The following R3HDM4 variants were observed in gnomAD, a reference collection of about 807,000 sequenced individuals.
R3HDM4 encodes R3H domain-containing protein 4.
A neutral mutation model predicts 31.3 loss-of-function variants in R3HDM4; 30 were observed. The observed-to-expected ratio is 0.96, with a 90% CI of 0.72 to 1.30. The LOEUF is 1.30. R3HDM4 is among the 50% of genes most tolerant of loss of function. R3HDM4 has a pLI of 0.00. For synonymous variants in R3HDM4, 196 were observed against 156.6 expected (o/e 1.25, Z -1.88); for missense variants, 444 against 366.1 (o/e 1.21, Z -1.74).
Position 899,375 on chromosome 19 carries a change from G to A in R3HDM4, c.703+65C>T, listed in dbSNP as rs972936609. 1.3e-6 allele frequency: 2 copies of A among 1,552,418 alleles called. No homozygotes were observed. On this transcript the variant is annotated intron_variant, in intron 7 of 7. Coordinates refer to ENST00000361574, the MANE Select transcript of R3HDM4 (RefSeq NM_138774.4). This position sits in a 1 kb window ranked among gnomAD's most constrained non-coding sequence, Gnocchi z 6.8. ...CCCACTCTGAGGAACCAGGCCCCTG[G>A]GACCCTGGCCACTTTCCCAGGTTGA...
At chr19:904,818 G>A (rs1465667933) in intron 1 of R3HDM4, among the ~76,000 whole-genome samples, 1 of 151,920 alleles carries the variant, frequency 6.6e-6, no homozygotes, top group Admixed American at 6.6e-5. Flanking sequence ...CAGAAATGAG[G>A]GCAATGCTCT....
At chr19:898,898 G>C (rs547375138) in intron 7 of R3HDM4, among the ~76,000 whole-genome samples, 2 of 152,312 alleles carry the variant, frequency 1.3e-5, no homozygotes, top group African/African-American at 4.8e-5. Flanking sequence ...ACTCCAGGCG[G>C]GGCGGCAGAG....
At chr19:900,569 C>G (rs565519040) in intron 4 of R3HDM4, among the ~76,000 whole-genome samples, 1 of 151,116 alleles carries the variant, frequency 6.6e-6, no homozygotes, top group Admixed American at 6.6e-5. Flanking sequence ...ACCCTGGCCT[C>G]ACCCACACAC....
At chr19:898,851 G>A (rs2036781362) in intron 7 of R3HDM4, among the ~76,000 whole-genome samples, 1 of 152,140 alleles carries the variant, frequency 6.6e-6, no homozygotes, top group African/African-American at 2.4e-5. Context: ...ACAGAGGGAG[G>A]CATCGTCCGG....
chr19:902,270 T>A, intron 1 of R3HDM4, 140 bp from the exon 2 acceptor site: 2 of 841,054 alleles, frequency 2.4e-6, no homozygotes, highest in Non-Finnish European at 3.6e-6. Context: ...CCTGGGCCCT[T>A]AAAATCCTAT....
At chr19:911,502 A>T (rs962833020) in intron 1 of R3HDM4, among the ~76,000 whole-genome samples, 2 of 152,230 alleles carry the variant, frequency 1.3e-5, no homozygotes, top group Non-Finnish European at 2.9e-5. Flanking sequence ...GTAATGAGAC[A>T]ACGGACACTC....
intron 1 of R3HDM4, among the ~76,000 whole-genome samples, chr19:909,101 C>T (rs1010660239): frequency 2.0e-5 from 3 of 152,174 alleles, no homozygotes; most frequent in Non-Finnish European, 4.4e-5. Flanking sequence ...CCTGAAGGCT[C>T]GAGGATGTGT....
Position 897,391 on chromosome 19 carries a change from C to T in R3HDM4, c.*46G>A. The T allele has an allele frequency of 7.1e-7, 1 of 1,409,680 alleles. No individual in the cohort carries two copies. Among genetic ancestry groups the T allele is most frequent in the South Asian group, 1.3e-5 (1 of 79,262 alleles). The allele number at this position is 1,409,680 out of a possible 1,614,324, so 87.3% of individuals were successfully genotyped here. ...TATTTTAGCCGAAGGTATCGGAGGG[C>T]TTGATGGCTGGGCGAGGTGGCAGCG... is the stretch of plus-strand genomic sequence containing the variant. On this transcript the variant is annotated 3_prime_UTR_variant, in exon 8 of 8. Transcript: ENST00000361574.
At chr19:903,943 C>T (rs930917626) in intron 1 of R3HDM4, among the ~76,000 whole-genome samples, 5 of 152,080 alleles carry the variant, frequency 3.3e-5, no homozygotes, top group Middle Eastern at 6.8e-3. Flanking sequence ...CCCAGCTACT[C>T]GGGAGGCTGA....
chr19:901,060 C>T (rs1599357891), intron 3 of R3HDM4, 108 bp from the exon 4 acceptor site: 5 of 1,361,586 alleles, frequency 3.7e-6, no homozygotes, highest in Non-Finnish European at 3.0e-6. Flanking sequence ...CGCGCTCCTG[C>T]GGTCACCTCT....
intron 1 of R3HDM4, among the ~76,000 whole-genome samples, chr19:904,202 C>T (rs2036874967): frequency 6.6e-6 from 1 of 152,190 alleles, no homozygotes; most frequent in Admixed American, 6.5e-5. Context: ...ACACATTCTG[C>T]TCCAACCCCA....
Position 899,744 on chromosome 19 carries a change from G to A in R3HDM4, c.562-58C>T. On this transcript the variant is annotated intron_variant, in intron 5 of 7. Transcript: ENST00000361574. This position sits in a 1 kb window ranked among gnomAD's most constrained non-coding sequence, Gnocchi z 6.8. The stretch of plus-strand genomic sequence containing the variant: ...CGGGACCTGTGGGTGGGGGGCCAGG[G>A]AGGTCCAGGGCCCCCAGGAGCCCAC... 7.3e-7 allele frequency: 1 copy of A among 1,374,744 alleles called. No individual in the cohort carries two copies. Among genetic ancestry groups the A allele is most frequent in the South Asian group, 1.4e-5 (1 of 70,274 alleles). The allele number at this position is 1,374,744 out of a possible 1,614,324, so 85.2% of individuals were successfully genotyped here.
At chr19:898,401 T>C (rs1252303117) in intron 7 of R3HDM4, among the ~76,000 whole-genome samples, 1 of 43,142 alleles carries the variant, frequency 2.3e-5, no homozygotes, top group Non-Finnish European at 4.8e-5. Context: ...CGAGACTTGG[T>C]CTCAAAAAAA....
rs1304799980 is a variant in R3HDM4, at chr19:901,855, T to C, written c.226+121A>G. On this transcript the variant is annotated intron_variant, in intron 2 of 7. Transcript: ENST00000361574. ...GGTCCCCCGGCCTACAGCTGACACC[T>C]CTTTGGGTCCCCAGCCCCACCCAGG... 3.6e-6 allele frequency: 4 copies of C among 1,098,762 alleles called. No homozygotes were observed. The Admixed American group carries it at 6.6e-5, about 18-fold the overall frequency. 68.1% of individuals were successfully genotyped at this position (1,098,762 alleles called of 1,614,324 possible). A position where few individuals can be genotyped will look rare whatever the true frequency, so the allele number is the denominator to read the frequency against.
intron 1 of R3HDM4, among the ~76,000 whole-genome samples, chr19:911,641 G>A (rs2036972256): frequency 6.6e-6 from 1 of 152,192 alleles, no homozygotes; most frequent in Non-Finnish European, 1.5e-5. Context: ...TGCCCAGGTG[G>A]CGCCGTCCGC....
intron 1 of R3HDM4, among the ~76,000 whole-genome samples, chr19:906,246 G>C (rs2036904634): frequency 7.3e-6 from 1 of 136,606 alleles, no homozygotes; most frequent in Non-Finnish European, 1.5e-5. Flanking sequence ...TTGAGACAGA[G>C]TCTCGCTCTG....
Position 897,482 on chromosome 19 carries a change from C to T in R3HDM4, c.762G>A (p.Leu254=), listed in dbSNP as rs572352583. Residue 254 remains leucine (L), a synonymous_variant, in exon 8 of 8, where the codon CTG becomes CTA. Transcript: ENST00000361574. ...AGGCGGACAGGAGCAGCCCCGGCGG[C>T]AGGAAATCCAGGTGCCGATTACTGA... is the stretch of plus-strand genomic sequence containing the variant. The part of the protein sequence containing the change: ...MKVSNRHLDF[L]PPGLLLSAYL... The T allele has an allele frequency of 2.5e-5, 40 of 1,612,984 alleles. No individual in the cohort carries two copies. In the South Asian group the frequency reaches 4.2e-4, roughly 17 times the overall value.
At position 901,474 on chromosome 19, in the gene R3HDM4, G is replaced by T; in HGVS notation, c.299C>A (p.Pro100His). Residue 100 changes from proline to histidine, a missense_variant, in exon 3 of 8, where the codon CCT (proline) becomes CAT (histidine). By Grantham distance (77) the Pro-to-His change is moderately conservative. Coordinates refer to ENST00000361574, the MANE Select transcript of R3HDM4 (RefSeq NM_138774.4). ...PGLEDGDLAP[P>H]ASPGIFAEAC... ...CTCGGCAAAGATGCCTGGTGATGCAGGGGGTGCCAAGTCCCCATCCTCCAG... is the reference window on the plus strand; with the variant it reads ...CTCGGCAAAGATGCCTGGTGATGCATGGGGTGCCAAGTCCCCATCCTCCAG... The T allele has an allele frequency of 6.2e-7, 1 of 1,609,496 alleles. No individual in the cohort carries two copies.
At chr19:905,376 A>G (rs1191435945) in intron 1 of R3HDM4, among the ~76,000 whole-genome samples, 2 of 150,408 alleles carry the variant, frequency 1.3e-5, no homozygotes, top group African/African-American at 4.9e-5. Context: ...ATGGTGACGC[A>G]TGCCTGTAAT....
Sources: gnomAD v4.1 joint callset for allele counts (sites outside exome capture counted in the v4.1 genomes callset) on GRCh38, gnomAD v4.1.1 for gene constraint, Gnocchi (gnomAD v3.1) non-coding constraint, MANE v1.5 for transcripts, NCBI Gene and HGNC (gene_info 2026-07-23, HGNC 2026-07-21) for gene names.